The following TMIE variants were observed in gnomAD, a reference collection of about 807,000 sequenced individuals.
TMIE encodes transmembrane inner ear expressed protein.
Under a neutral mutation model 16.8 loss-of-function variants are expected in TMIE, and 14 were observed. That is an observed-to-expected ratio of 0.83 (90% CI 0.55 to 1.30). The LOEUF (loss-of-function observed/expected upper bound fraction) is 1.30, where lower values mean the gene tolerates loss of function less well. Among genes scored for constraint, TMIE ranks in the 50% most tolerant of loss-of-function variants. The pLI, the probability that TMIE is intolerant of heterozygous loss-of-function variation, is 0.00. For synonymous variants in TMIE, 75 were observed against 87.2 expected, an observed-to-expected ratio of 0.86 and a Z score of 0.78; for missense variants, 204 against 205.9, an observed-to-expected ratio of 0.99 and a Z score of 0.06.
At chr3:46,702,603 T>C (rs1317069690) in intron 1 of TMIE, among the ~76,000 whole-genome samples, 2 of 150,642 alleles carry the variant, frequency 1.3e-5, no homozygotes, top group African/African-American at 2.4e-5. Context: ...AAAACAGAAA[T>C]GCAAGAGGCA....
chr3:46,705,398 A>G (rs1030013041), intron 1 of TMIE, among the ~76,000 whole-genome samples: 3 of 152,138 alleles, frequency 2.0e-5, no homozygotes, highest in Non-Finnish European at 4.4e-5. Context: ...GAGCAAAGCC[A>G]GTTAGCCAGC....
Position 46,709,583 on chromosome 3 carries a change from T to TAA in TMIE, c.367_368dup (p.Lys124ArgfsTer19), listed in dbSNP as rs1559497284. 1.1e-5 allele frequency: 17 copies of TAA among 1,552,540 alleles called. No individual in the cohort carries two copies. Among genetic ancestry groups the TAA allele is most frequent in the Non-Finnish European group, 1.1e-5 (12 of 1,130,236 alleles). ...TCTCTTCCCCCTGCCCCACAGAGGA[T>TAA]AAGAAGAAGAAGAAGAAGAAGAAGA... On this transcript the variant is annotated frameshift_variant, in exon 4 of 4. Transcript: ENST00000643606. LOFTEE classifies it high-confidence loss of function.
rs1700595164 is a variant in TMIE, at chr3:46,709,598, GAA to G, written c.382_383del (p.Lys128GlufsTer17). ...VPGEDKKKKKKKKKDSVDTVA... is the reference protein window; with the variant it reads ...VPGEDKKKKKXKKKDSVDTVA... ...CCACAGAGGATAAGAAGAAGAAGAA[GAA>G]GAAGAAGAAGGACAGTGTGGACACA... On this transcript the variant is annotated frameshift_variant, in exon 4 of 4. Transcript: ENST00000643606. LOFTEE classifies it high-confidence loss of function. The G allele has an allele frequency of 1.9e-6, 3 of 1,613,640 alleles. No individual in the cohort carries two copies. Among genetic ancestry groups the G allele is most frequent in the African/African-American group, 2.7e-5 (2 of 74,872 alleles).
At chr3:46,696,858 C>T (rs1700415825), upstream of TMIE, among the ~76,000 whole-genome samples, 1 of 152,122 alleles carries the variant, frequency 6.6e-6, no homozygotes, top group South Asian at 2.1e-4. Context: ...CACTGTCTTC[C>T]AGGGAGCAAG....
At chr3:46,706,512 G>T (rs1282265489) in intron 2 of TMIE, among the ~76,000 whole-genome samples, 1 of 152,228 alleles carries the variant, frequency 6.6e-6, no homozygotes, top group Non-Finnish European at 1.5e-5. Context: ...TGGGGAAGGG[G>T]ACAGAAAGGC....
intron 2 of TMIE, among the ~76,000 whole-genome samples, 171 bp from the exon 3 acceptor site, chr3:46,708,955 C>T (rs888693708): frequency 6.6e-6 from 1 of 152,220 alleles, no homozygotes; most frequent in Non-Finnish European, 1.5e-5. Flanking sequence ...GGAAAGCCAC[C>T]TTGGTCATCA....
chr3:46,704,501 A>G lies in TMIE; in HGVS notation c.94-1289A>G, dbSNP rs1479602755. 1.0e-4 allele frequency among the ~76,000 whole-genome samples: 11 copies of G among 108,714 alleles called. 2 individuals are homozygous for G. The highest frequency in any genetic ancestry group is 4.0e-4 in the South Asian group (1 of 2,504). The allele number at this position is 108,714 out of a possible 152,430, so 71.3% of individuals were successfully genotyped here. ...CATGTCCCTAGATGCCCAGGGCAGG[A>G]CCGTGTCCCCTAGACGCCCAGGGCA... On this transcript the variant is annotated intron_variant, in intron 1 of 3. Coordinates refer to ENST00000643606, the MANE Select transcript of TMIE (RefSeq NM_147196.3).
upstream of TMIE, among the ~76,000 whole-genome samples, chr3:46,697,784 G>A (rs1202845889): frequency 6.6e-6 from 1 of 152,042 alleles, no homozygotes; most frequent in Non-Finnish European, 1.5e-5. Flanking sequence ...TGTCAGAATC[G>A]AATTGGAAGG....
At chr3:46,705,648 T>G in intron 1 of TMIE, 142 bp from the exon 2 acceptor site, 1 of 727,560 alleles carries the variant, frequency 1.4e-6, no homozygotes, top group Non-Finnish European at 2.4e-6. Flanking sequence ...GTCTAGGGTG[T>G]TGGTAGTGCA....
chr3:46,703,918 G>C (rs1364273471), intron 1 of TMIE, among the ~76,000 whole-genome samples: 1 of 152,160 alleles, frequency 6.6e-6, no homozygotes, highest in Non-Finnish European at 1.5e-5. Context: ...TTAGTAATCA[G>C]TGCACAACAT....
intron 1 of TMIE, among the ~76,000 whole-genome samples, chr3:46,704,482 C>T (rs537031557): frequency 8.3e-5 from 12 of 144,570 alleles, no homozygotes; most frequent in African/African-American, 3.1e-4. Context: ...GGACCATGTC[C>T]CTAGATGCCC....
intron 1 of TMIE, among the ~76,000 whole-genome samples, chr3:46,704,943 A>G (rs1450576370): frequency 6.6e-6 from 1 of 151,774 alleles, no homozygotes; most frequent in East Asian, 1.9e-4. Context: ...GGGCAGAACT[A>G]TGTCCCCTAG....
In TMIE at chr3:46,701,515, C is replaced by T. The variant is rs1270737624; in HGVS notation, c.28C>T (p.Leu10Phe). Residue 10 changes from leucine to phenylalanine, a missense_variant, in exon 1 of 4, where the codon CTC (leucine) becomes TTC (phenylalanine). Coordinates refer to ENST00000643606, the MANE Select transcript of TMIE (RefSeq NM_147196.3). The surrounding 1 kb of genome is among the most constrained non-coding windows in gnomAD (Gnocchi z 4.3). Reference sequence around the variant, plus strand: ...GGCGGGGTGGCCGGGCGCGGGTCCCCTCTGCGTGCTGGGCGGCGCCGCACT... The same window carrying T: ...GGCGGGGTGGCCGGGCGCGGGTCCCTTCTGCGTGCTGGGCGGCGCCGCACT... MAGWPGAGP[L>F]CVLGGAALGV... is the part of the protein sequence containing the mutation. 9.3e-5 allele frequency: 124 copies of T among 1,333,860 alleles called. No homozygotes were observed. The highest frequency in any genetic ancestry group is 1.1e-4 in the Non-Finnish European group (120 of 1,046,668). 82.6% of individuals were successfully genotyped at this position (1,333,860 alleles called of 1,614,324 possible).
chr3:46,702,312 CAGTG>C (rs1363058203), intron 1 of TMIE, among the ~76,000 whole-genome samples: 1 of 152,080 alleles, frequency 6.6e-6, no homozygotes, highest in Non-Finnish European at 1.5e-5. Flanking sequence ...AGCAGGCACA[CAGTG>C]GGAGAGGTGG....
chr3:46,709,625 A>G lies in TMIE; in HGVS notation c.408A>G (p.Thr136=). 6.2e-7 allele frequency: 1 copy of G among 1,613,832 alleles called. No individual in the cohort carries two copies. The highest frequency in any genetic ancestry group is 1.7e-5 in the Admixed American group (1 of 60,016). Residue 136 remains threonine, a synonymous_variant, in exon 4 of 4, where the codon ACA becomes ACG. Transcript: ENST00000643606. ...AGAAGAAGAAGGACAGTGTGGACACAGTGGCCATCAAAGTAGAGGAGGATG... is the reference window on the plus strand; with the variant it reads ...AGAAGAAGAAGGACAGTGTGGACACGGTGGCCATCAAAGTAGAGGAGGATG... The part of the protein sequence containing the change: ...KKKKKKDSVD[T]VAIKVEEDEK...
chr3:46,701,704 T>A lies in TMIE; in HGVS notation c.93+124T>A. ...CTTACTCTTGCCCTGAGAGATCCAGTCTCCCGGGCGATGCAGCCCTGCCCC... is the reference window on the plus strand; with the variant it reads ...CTTACTCTTGCCCTGAGAGATCCAGACTCCCGGGCGATGCAGCCCTGCCCC... On this transcript the variant is annotated intron_variant, in intron 1 of 3. Transcript: ENST00000643606. This position sits in a 1 kb window ranked among gnomAD's most constrained non-coding sequence, Gnocchi z 4.3. 1 of 811,468 alleles carries A rather than the reference T, an allele frequency of 1.2e-6. No homozygotes were observed. The highest frequency in any genetic ancestry group is 1.7e-6 in the Non-Finnish European group (1 of 602,392). 50.3% of individuals were successfully genotyped at this position (811,468 alleles called of 1,614,324 possible). A position where few individuals can be genotyped will look rare whatever the true frequency, so the allele number is the denominator to read the frequency against.
At chr3:46,694,359 GACCCCCC>G (rs1700347882), upstream of TMIE, among the ~76,000 whole-genome samples, 1 of 152,172 alleles carries the variant, frequency 6.6e-6, no homozygotes, top group Non-Finnish European at 1.5e-5. Context: ...ATCTGGGACA[GACCCCCC>G]GGGAGCGGGA....
At position 46,709,679 on chromosome 3, in the gene TMIE, A is replaced by G. The variant is rs1452764341; in HGVS notation, c.462A>G (p.Gly154=). ...DEKNEAKKKK[G]EK is the part of the protein sequence containing the mutation. ...AGAATGAGGCCAAGAAGAAGAAAGG[A>G]GAGAAATGAAGACATCCTGGGCAGC... The change falls in exon 4 of 4, where the codon GGA becomes GGG. Residue 154 remains glycine (G), a synonymous_variant. Coordinates refer to ENST00000643606, the MANE Select transcript of TMIE (RefSeq NM_147196.3). The G allele has an allele frequency of 2.5e-6, 4 of 1,613,988 alleles. No homozygotes were observed. Among genetic ancestry groups the G allele is most frequent in the South Asian group, 2.2e-5 (2 of 91,082 alleles).
At chr3:46,707,395 T>G (rs771400499) in intron 2 of TMIE, among the ~76,000 whole-genome samples, 2 of 152,160 alleles carry the variant, frequency 1.3e-5, no homozygotes, top group Non-Finnish European at 2.9e-5. Context: ...TAAAGGATAG[T>G]CCCAAGACAC....
Sources: gnomAD v4.1 joint callset for allele counts (sites outside exome capture counted in the v4.1 genomes callset) on GRCh38, gnomAD v4.1.1 for gene constraint, Gnocchi (gnomAD v3.1) non-coding constraint, MANE v1.5 for transcripts, NCBI Gene and HGNC (gene_info 2026-07-23, HGNC 2026-07-21) for gene names.